KIDINS220: variants seen among roughly 807,000 people sequenced by gnomAD.
KIDINS220 encodes kinase D-interacting substrate of 220 kDa.
Under a neutral mutation model 157.6 loss-of-function variants are expected in KIDINS220, and 63 were observed. That is an observed-to-expected ratio of 0.40 (90% CI 0.33 to 0.49). The LOEUF is 0.49. Ranked by LOEUF, KIDINS220 falls within the 20% of genes least tolerant of loss-of-function variation. The pLI, the probability that KIDINS220 is intolerant of heterozygous loss-of-function variation, is 0.66. For synonymous variants in KIDINS220, 732 were observed against 783.6 expected (o/e 0.93, Z 1.10); for missense variants, 1,772 against 2,171.2 (o/e 0.82, Z 3.65).
chr2:8,776,944 C>T (rs1292951354), intron 20 of KIDINS220, 52 bp from the exon 21 acceptor site: 1 of 1,554,860 alleles, frequency 6.4e-7, no homozygotes, highest in East Asian at 2.3e-5. Flanking sequence ...AGTCTAAGAA[C>T]TTAAGGCTTT....
At chr2:8,764,308 A>G (rs1669153275) in intron 22 of KIDINS220, among the ~76,000 whole-genome samples, 1 of 152,214 alleles carries the variant, frequency 6.6e-6, no homozygotes, top group African/African-American at 2.4e-5. Flanking sequence ...CACTACTTGG[A>G]TAATGGGTGC....
chr2:8,825,594 C>T (rs900663219), intron 2 of KIDINS220: 1 of 151,994 alleles, frequency 6.6e-6, no homozygotes, highest in African/African-American at 2.4e-5. Flanking sequence ...TATACATACA[C>T]ATACACATAT....
At chr2:8,821,606 T>C (rs1481955699) in intron 2 of KIDINS220, among the ~76,000 whole-genome samples, 1 of 152,218 alleles carries the variant, frequency 6.6e-6, no homozygotes, top group African/African-American at 2.4e-5. Flanking sequence ...ATGGCTCATC[T>C]AGCTTGTCAT....
At chr2:8,791,462 T>C (rs1381007132) in intron 12 of KIDINS220, among the ~76,000 whole-genome samples, 2 of 152,214 alleles carry the variant, frequency 1.3e-5, no homozygotes, top group Non-Finnish European at 2.9e-5. Context: ...TATTCTTAAA[T>C]TACTATCATA....
intron 17 of KIDINS220, among the ~76,000 whole-genome samples, chr2:8,781,153 A>ATAATATATATAT (rs70946383): frequency 7.7e-6 from 1 of 130,410 alleles, no homozygotes; most frequent in African/African-American, 2.8e-5. Flanking sequence ...ATATATATAT[A>ATAATATATATAT]ATATATATAT....
chr2:8,813,295 C>T lies in KIDINS220; in HGVS notation c.347G>A (p.Arg116His), dbSNP rs377100861. ...TALMWACYKGRTDVVELLLSH... is the reference protein window; with the variant it reads ...TALMWACYKGHTDVVELLLSH... ...AAGAAGCAACTCTACTACGTCAGTA[C>T]GGCCTTTGTAACATGCCCACATAAG... Residue 116 changes from arginine to histidine, a missense_variant, in exon 5 of 30, where the codon CGT (arginine) becomes CAT (histidine). By Grantham distance (29) the Arg-to-His change is conservative (BLOSUM62 0). Transcript: ENST00000256707. 29 of 1,613,312 alleles carry T rather than the reference C, an allele frequency of 1.8e-5. No individual in the cohort carries two copies. Among genetic ancestry groups the T allele is most frequent in the South Asian group, 2.2e-5 (2 of 90,970 alleles).
intron 1 of KIDINS220, among the ~76,000 whole-genome samples, chr2:8,829,423 A>G (rs553375046): frequency 6.6e-6 from 1 of 152,340 alleles, no homozygotes; most frequent in Admixed American, 6.5e-5. Context: ...ATTTGATCCC[A>G]TAGTTGCACT....
chr2:8,826,881 T>C (rs1199044602), intron 2 of KIDINS220, 105 bp downstream of exon 2: 1 of 573,586 alleles, frequency 1.7e-6, no homozygotes, highest in Non-Finnish European at 3.1e-6. Context: ...AGTGCAGTAT[T>C]ACTAAGGGTT....
intron 22 of KIDINS220, among the ~76,000 whole-genome samples, chr2:8,760,696 A>G (rs946215270): frequency 2.0e-5 from 3 of 152,246 alleles, no homozygotes; most frequent in Admixed American, 6.5e-5. Context: ...ACAATTCTCC[A>G]ATTTTAATAT....
At chr2:8,726,262 A>G (rs981295511), downstream of KIDINS220, among the ~76,000 whole-genome samples, 1 of 152,170 alleles carries the variant, frequency 6.6e-6, no homozygotes, top group Admixed American at 6.5e-5. Context: ...GGCCCCACTC[A>G]AAAAGGGCTT....
chr2:8,806,412 T>C (rs748432264), intron 6 of KIDINS220, 43 bp from the exon 7 acceptor site: 4 of 1,286,166 alleles, frequency 3.1e-6, no homozygotes, highest in South Asian at 1.4e-5. Flanking sequence ...ATAAAAAGTA[T>C]ACTCAAAGAA....
At chr2:8,802,449 G>C (rs768777823) in intron 8 of KIDINS220, among the ~76,000 whole-genome samples, 1 of 152,216 alleles carries the variant, frequency 6.6e-6, no homozygotes, top group East Asian at 1.9e-4. Flanking sequence ...GGAAAAGAGA[G>C]AAATCAAGGC....
At chr2:8,826,716 G>T in intron 2 of KIDINS220, 1 of 228,446 alleles carries the variant, frequency 4.4e-6, no homozygotes, top group African/African-American at 2.2e-5. Context: ...AGAAGTACTT[G>T]ATTTCAGTAA....
intron 26 of KIDINS220, among the ~76,000 whole-genome samples, chr2:8,741,460 G>A (rs1665615964): frequency 1.3e-5 from 2 of 152,028 alleles, no homozygotes; most frequent in African/African-American, 4.8e-5. Context: ...GCACGCCTGG[G>A]TCCCAGCTAC....
In KIDINS220 at chr2:8,793,372, T is replaced by C. The variant is rs1162897572; in HGVS notation, c.1276+438A>G. On this transcript the variant is annotated intron_variant, in intron 12 of 29. Transcript: ENST00000256707. Reference sequence around the variant, plus strand: ...TCAGCTGGGTGTGGTAGCATGGGCCTGTAGTTCCAAGTACTCAGGAGGCTG... The same window carrying C: ...TCAGCTGGGTGTGGTAGCATGGGCCCGTAGTTCCAAGTACTCAGGAGGCTG... 2.6e-5 allele frequency among the ~76,000 whole-genome samples: 4 copies of C among 152,146 alleles called. No individual in the cohort carries two copies. In the South Asian group the frequency reaches 8.3e-4, roughly 32 times the overall value.
At chr2:8,770,272 G>A (rs1670020572) in intron 22 of KIDINS220, among the ~76,000 whole-genome samples, 1 of 152,100 alleles carries the variant, frequency 6.6e-6, no homozygotes, top group Non-Finnish European at 1.5e-5. Flanking sequence ...CAGGAGTCCT[G>A]GTGCACGCCT....
rs1216247240 is a variant in KIDINS220 at position 8,786,366 on chromosome 2, A to C, written c.1788-9T>G. ...AATCTGTAAACAAAAACCTTGAAGA[A>C]AAGAACAAATCAAACATTACTTTAT... is the stretch of plus-strand genomic sequence containing the variant. On this transcript the variant is annotated splice_polypyrimidine_tract_variant and intron_variant, in intron 15 of 29. Coordinates refer to ENST00000256707, the MANE Select transcript of KIDINS220 (RefSeq NM_020738.4). 5 of 1,606,428 alleles carry C rather than the reference A, an allele frequency of 3.1e-6. No homozygotes were observed. The East Asian group carries it at 1.1e-4, about 36-fold the overall frequency.
In KIDINS220 at chr2:8,730,015, G is replaced by A. The variant is rs1663805724; in HGVS notation, c.*705C>T. On this transcript the variant is annotated 3_prime_UTR_variant, in exon 30 of 30. Coordinates refer to ENST00000256707, the MANE Select transcript of KIDINS220 (RefSeq NM_020738.4). Reference sequence around the variant, plus strand: ...TGCTGGAAGCCAGGCCTGGGATTTGGAGAGAAGAGTTTCCGACATATAAAC... The same window carrying A: ...TGCTGGAAGCCAGGCCTGGGATTTGAAGAGAAGAGTTTCCGACATATAAAC... 3 of 985,302 alleles carry A rather than the reference G, an allele frequency of 3.0e-6. No homozygotes were observed. Among genetic ancestry groups the A allele is most frequent in the Non-Finnish European group, 3.6e-6 (3 of 829,966 alleles). The allele number at this position is 985,302 out of a possible 1,614,324, so 61.0% of individuals were successfully genotyped here.
intron 22 of KIDINS220, among the ~76,000 whole-genome samples, chr2:8,755,665 G>T (rs1667919504): frequency 1.3e-5 from 2 of 152,202 alleles, no homozygotes; most frequent in Admixed American, 1.3e-4. Flanking sequence ...TACATGGTGT[G>T]GGGTAGGGGT....
Sources: allele counts gnomAD v4.1 joint callset (sites outside exome capture counted in the v4.1 genomes callset), GRCh38; gene constraint gnomAD v4.1.1; transcripts MANE v1.5; gene names NCBI Gene and HGNC (gene_info 2026-07-23, HGNC 2026-07-21).